SLC25A12: variants seen among roughly 807,000 people sequenced by gnomAD.
SLC25A12 encodes electrogenic aspartate/glutamate antiporter SLC25A12, mitochondrial.
Under a neutral mutation model 83.3 loss-of-function variants are expected in SLC25A12, and 32 were observed. The observed-to-expected ratio is 0.38, with a 90% CI of 0.29 to 0.52. SLC25A12 has a LOEUF of 0.52. SLC25A12 is among the 20% of genes least tolerant of loss of function. SLC25A12 has a pLI of 0.84. For missense variants in SLC25A12, 611 were observed against 835.6 expected, an observed-to-expected ratio of 0.73 and a Z score of 3.31; for synonymous variants, 267 against 291.1, an observed-to-expected ratio of 0.92 and a Z score of 0.84.
chr2:171,874,579 G>A (rs1685524996), intron 2 of SLC25A12, among the ~76,000 whole-genome samples: 8 of 152,224 alleles, frequency 5.3e-5, no homozygotes, highest in Non-Finnish European at 1.2e-4. Flanking sequence ...TTTTGCCACA[G>A]AGGTGTCTAT....
chr2:171,785,612 A>C (rs1212495408), intron 17 of SLC25A12, 137 bp from the exon 18 acceptor site: 2 of 766,196 alleles, frequency 2.6e-6, no homozygotes, highest in Non-Finnish European at 4.5e-6. Flanking sequence ...TCTGTGCTGC[A>C]TGACTAGAAA....
At chr2:171,796,739 T>A (rs1178472419) in intron 13 of SLC25A12, among the ~76,000 whole-genome samples, 2 of 152,214 alleles carry the variant, frequency 1.3e-5, no homozygotes, top group Admixed American at 1.3e-4. Flanking sequence ...TGAATAATTT[T>A]AGCAAAGATA....
At chr2:171,812,374 A>G (rs1328245763) in intron 11 of SLC25A12, among the ~76,000 whole-genome samples, 1 of 152,142 alleles carries the variant, frequency 6.6e-6, no homozygotes, top group Non-Finnish European at 1.5e-5. Flanking sequence ...TCTAAGCCAA[A>G]TAGTTCAACA....
intron 13 of SLC25A12, among the ~76,000 whole-genome samples, chr2:171,805,832 C>A (rs1289899598): frequency 1.3e-5 from 2 of 152,194 alleles, no homozygotes; most frequent in Non-Finnish European, 2.9e-5. Flanking sequence ...CAGGCCTTGG[C>A]CAGCCTGGTG....
chr2:171,865,312 C>G (rs907983489), intron 3 of SLC25A12, among the ~76,000 whole-genome samples: 15 of 152,026 alleles, frequency 9.9e-5, no homozygotes, highest in African/African-American at 2.9e-4. Context: ...GTAAATAACA[C>G]CATTTTTATA....
At chr2:171,885,307 A>G (rs1312846759) in intron 2 of SLC25A12, among the ~76,000 whole-genome samples, 1 of 150,572 alleles carries the variant, frequency 6.6e-6, no homozygotes, top group East Asian at 1.9e-4. Context: ...CTATCCTGCT[A>G]GTCTGCCTTT....
intron 13 of SLC25A12, among the ~76,000 whole-genome samples, chr2:171,797,391 G>A (rs1683620726): frequency 6.6e-6 from 1 of 152,096 alleles, no homozygotes; most frequent in African/African-American, 2.4e-5. Flanking sequence ...TCATAAATAT[G>A]TCAAAATTTA....
chr2:171,810,121 C>G, intron 12 of SLC25A12, 103 bp downstream of exon 12: 1 of 975,008 alleles, frequency 1.0e-6, no homozygotes, highest in Non-Finnish European at 1.7e-6. Flanking sequence ...ACCCAAAATG[C>G]TGAGATTATA....
chr2:171,875,910 CAAAAAAAAA>C (rs34276775), intron 2 of SLC25A12, among the ~76,000 whole-genome samples: 4 of 98,960 alleles, frequency 4.0e-5, no homozygotes, highest in African/African-American at 1.3e-4. Context: ...GACTCTGTCT[CAAAAAAAAA>C]AAAAAAAAAA....
chr2:171,878,162 C>A (rs572233032), intron 2 of SLC25A12, among the ~76,000 whole-genome samples: 1 of 152,224 alleles, frequency 6.6e-6, no homozygotes, highest in East Asian at 1.9e-4. Context: ...AGACATAGTG[C>A]CTGCTGTCAA....
intron 8 of SLC25A12, among the ~76,000 whole-genome samples, chr2:171,829,780 T>C (rs6433315): frequency 0.82 from 124,054 of 152,194 alleles, 51,720 homozygotes; most frequent in Middle Eastern, 0.91. Context: ...TGTTGCACCC[T>C]GTTGGAAAAG....
intron 11 of SLC25A12, among the ~76,000 whole-genome samples, chr2:171,813,096 A>G (rs1683981175): frequency 2.6e-5 from 4 of 152,206 alleles, no homozygotes; most frequent in Admixed American, 2.6e-4. Context: ...GGACAAACAC[A>G]TAATTTGGAC....
intron 5 of SLC25A12, among the ~76,000 whole-genome samples, chr2:171,840,060 CA>C (rs1159370956): frequency 6.6e-6 from 1 of 152,130 alleles, no homozygotes; most frequent in Non-Finnish European, 1.5e-5. Context: ...AGTCCTTCTG[CA>C]AAATTGAACA....
rs1685999682 is a variant in SLC25A12 at position 171,894,079 on chromosome 2, G to A, written c.12+124C>T. ...GCACAGCTCTCCCCGCAGCAAGCCG[G>A]AGCCCCAGGACAAGCTATCTAAGAC... On this transcript the variant is annotated intron_variant, in intron 1 of 17. Coordinates refer to ENST00000422440, the MANE Select transcript of SLC25A12 (RefSeq NM_003705.5). The A allele has an allele frequency of 8.3e-6, 11 of 1,327,422 alleles. No individual in the cohort carries two copies. In the South Asian group the frequency reaches 1.3e-4, roughly 15 times the overall value. 82.2% of individuals were successfully genotyped at this position (1,327,422 alleles called of 1,614,324 possible). A position where few individuals can be genotyped will look rare whatever the true frequency, so the allele number is the denominator to read the frequency against.
At chr2:171,888,103 T>C (rs1216522247) in intron 2 of SLC25A12, among the ~76,000 whole-genome samples, 1 of 151,054 alleles carries the variant, frequency 6.6e-6, no homozygotes, top group Non-Finnish European at 1.5e-5. Flanking sequence ...CCTTTTTTTT[T>C]TTTTTTTTGG....
chr2:171,796,419 C>T lies in SLC25A12; in HGVS notation c.1306-2652G>A, dbSNP rs533793084. On this transcript the variant is annotated intron_variant, in intron 13 of 17. Transcript: ENST00000422440. Reference sequence around the variant, plus strand: ...GTAAGAGTGCAAATAATCAATGACACTATAGCAAGGCACACATCTGTAAGT... The same window carrying T: ...GTAAGAGTGCAAATAATCAATGACATTATAGCAAGGCACACATCTGTAAGT... Among the ~76,000 whole-genome samples, 6 of 152,270 alleles carry T rather than the reference C, an allele frequency of 3.9e-5. No individual in the cohort carries two copies. The South Asian group carries it at 1.2e-3, about 32-fold the overall frequency.
At chr2:171,795,206 A>C (rs556915986) in intron 13 of SLC25A12, among the ~76,000 whole-genome samples, 15 of 151,950 alleles carry the variant, frequency 9.9e-5, no homozygotes, top group Admixed American at 3.9e-4. Flanking sequence ...GCAATTTGCT[A>C]TCTCTCTCTC....
intron 3 of SLC25A12, chr2:171,856,710 T>C (rs1360854523): frequency 6.6e-6 from 1 of 151,778 alleles, no homozygotes; most frequent in Non-Finnish European, 1.5e-5. Context: ...GATATAACAA[T>C]GAATCACAAT....
intron 2 of SLC25A12, among the ~76,000 whole-genome samples, chr2:171,877,622 G>C (rs1216947675): frequency 6.7e-6 from 1 of 148,372 alleles, no homozygotes; most frequent in African/African-American, 2.5e-5. Flanking sequence ...CCGAGATCGT[G>C]CCACTCACTG....
Sources: allele counts gnomAD v4.1 joint callset (sites outside exome capture counted in the v4.1 genomes callset), GRCh38; gene constraint gnomAD v4.1.1; transcripts MANE v1.5; gene names NCBI Gene and HGNC (gene_info 2026-07-23, HGNC 2026-07-21).